Variants in TMEM192 observed in about 807,000 individuals in gnomAD.
TMEM192 encodes the protein transmembrane protein 192.
Under a neutral mutation model 26.7 loss-of-function variants are expected in TMEM192, and 20 were observed. The observed-to-expected ratio is 0.75, with a 90% CI of 0.53 to 1.09. The LOEUF is 1.09. Among genes scored for constraint, TMEM192 ranks in the 50% least tolerant of loss-of-function variants. The pLI, the probability that TMEM192 is intolerant of heterozygous loss-of-function variation, is 0.00. For missense variants in TMEM192, 304 were observed against 322.6 expected (o/e 0.94, Z 0.44); for synonymous variants, 124 against 121.0 (o/e 1.02, Z -0.16).
rs1028992994 is a variant in TMEM192, at chr4:165,085,515, C to T, written c.677+71G>A. 8.4e-6 allele frequency: 8 copies of T among 956,160 alleles called. No homozygotes were observed. The African/African-American group carries it at 1.2e-4, about 14-fold the overall frequency. The allele number at this position is 956,160 out of a possible 1,614,324, so 59.2% of individuals were successfully genotyped here. A position where few individuals can be genotyped will look rare whatever the true frequency, so the allele number is the denominator to read the frequency against. Reference sequence around the variant, plus strand: ...AAGTACAAATACACAATCATAAATTCCAAGCATCAGAATGGTTTCTAGCTT... The same window carrying T: ...AAGTACAAATACACAATCATAAATTTCAAGCATCAGAATGGTTTCTAGCTT... On this transcript the variant is annotated intron_variant, in intron 5 of 5. Coordinates refer to ENST00000306480, the MANE Select transcript of TMEM192 (RefSeq NM_001100389.2).
chr4:165,097,632 T>C (rs1458812444), intron 3 of TMEM192, among the ~76,000 whole-genome samples: 1 of 149,072 alleles, frequency 6.7e-6, no homozygotes, highest in Non-Finnish European at 1.5e-5. Flanking sequence ...TCTTTTTTTA[T>C]AGAGGGGGGT....
chr4:165,091,884 T>C (rs1217555136), intron 3 of TMEM192, among the ~76,000 whole-genome samples: 1 of 152,146 alleles, frequency 6.6e-6, no homozygotes, highest in Non-Finnish European at 1.5e-5. Context: ...AAAGTTTCCA[T>C]TAGACCAGTT....
chr4:165,091,340 T>C (rs1398573788), intron 3 of TMEM192, among the ~76,000 whole-genome samples: 2 of 152,154 alleles, frequency 1.3e-5, no homozygotes, highest in African/African-American at 2.4e-5. Context: ...TCTTGTGGGA[T>C]TGAGCCCTTT....
intron 3 of TMEM192, among the ~76,000 whole-genome samples, chr4:165,091,036 C>T (rs942156367): frequency 3.3e-5 from 5 of 150,900 alleles, no homozygotes; most frequent in South Asian, 4.2e-4. Context: ...GAGGATGAGG[C>T]GGGCGGATCA....
chr4:165,097,057 G>A (rs946766587), intron 3 of TMEM192, among the ~76,000 whole-genome samples: 1 of 152,016 alleles, frequency 6.6e-6, no homozygotes, highest in Non-Finnish European at 1.5e-5. Context: ...TCTCACAAGA[G>A]GCAGGGAGCA....
At chr4:165,080,155 T>C (rs940938154) in intron 5 of TMEM192, among the ~76,000 whole-genome samples, 3 of 152,162 alleles carry the variant, frequency 2.0e-5, no homozygotes, top group Non-Finnish European at 4.4e-5. Context: ...AATAATCAGA[T>C]GACGATTAAA....
rs773066745 is a variant in TMEM192, at chr4:165,070,829, T to C, written c.*8829A>G. The C allele has an allele frequency of 6.6e-6, 1 of 152,232 alleles. No individual in the cohort carries two copies. Among genetic ancestry groups the C allele is most frequent in the African/African-American group, 2.4e-5 (1 of 41,458 alleles). 9.4% of individuals were successfully genotyped at this position (152,232 alleles called of 1,614,324 possible). ...ATTCCAGTAGTGAAATCACTGAAGT[T>C]AGTGACATTAATTCATCAACGTATA... On this transcript the variant is annotated 3_prime_UTR_variant, in exon 6 of 6. Coordinates refer to ENST00000306480, the MANE Select transcript of TMEM192 (RefSeq NM_001100389.2).
chr4:165,112,794 A>G lies in TMEM192; in HGVS notation c.-21T>C, dbSNP rs1447853944. 5.0e-6 allele frequency: 8 copies of G among 1,604,142 alleles called. No homozygotes were observed. Among genetic ancestry groups the G allele is most frequent in the Non-Finnish European group, 6.8e-6 (8 of 1,178,452 alleles). ...GCCATTTCCCGACGCCGGAGGCCGA[A>G]GCCCTGGCCAGCCCGGCCTCTCCAC... On this transcript the variant is annotated 5_prime_UTR_variant, in exon 1 of 6. Coordinates refer to ENST00000306480, the MANE Select transcript of TMEM192 (RefSeq NM_001100389.2).
At position 165,088,619 on chromosome 4, in the gene TMEM192, TAAAAC is replaced by T; in HGVS notation, c.440-22_440-18del. The T allele has an allele frequency of 6.2e-7, 1 of 1,603,766 alleles. No individual in the cohort carries two copies. On this transcript the variant is annotated intron_variant, in intron 3 of 5. Coordinates refer to ENST00000306480, the MANE Select transcript of TMEM192 (RefSeq NM_001100389.2). ...CTGTGTTGCCTGAGGAGGAGAAACATAAAACACAGCATGTGATGAGAAATACATAT... is the reference window on the plus strand; with the variant it reads ...CTGTGTTGCCTGAGGAGGAGAAACATACAGCATGTGATGAGAAATACATAT...
chr4:165,079,386 A>C lies in TMEM192; in HGVS notation c.*272T>G, dbSNP rs1734466313. On this transcript the variant is annotated 3_prime_UTR_variant, in exon 6 of 6. Coordinates refer to ENST00000306480, the MANE Select transcript of TMEM192 (RefSeq NM_001100389.2). The stretch of plus-strand genomic sequence containing the variant: ...TGACTATGGAGTTGTTTAGCCTCTG[A>C]TCCTAGGATAAACCAAGCAGTTAAA... 3.0e-6 allele frequency: 1 copy of C among 337,548 alleles called. No individual in the cohort carries two copies. Among genetic ancestry groups the C allele is most frequent in the Non-Finnish European group, 5.3e-6 (1 of 186,974 alleles). 20.9% of individuals were successfully genotyped at this position (337,548 alleles called of 1,614,324 possible). A position where few individuals can be genotyped will look rare whatever the true frequency, so the allele number is the denominator to read the frequency against.
chr4:165,104,727 C>T (rs1427334114), intron 1 of TMEM192, among the ~76,000 whole-genome samples: 3 of 152,122 alleles, frequency 2.0e-5, no homozygotes, highest in African/African-American at 4.8e-5. Flanking sequence ...GATGGGGTTT[C>T]GCCATGTTAG....
chr4:165,097,219 G>C (rs1486245468), intron 3 of TMEM192, among the ~76,000 whole-genome samples: 10 of 152,088 alleles, frequency 6.6e-5, no homozygotes, highest in Non-Finnish European at 1.2e-4. Flanking sequence ...AACAGGCCGG[G>C]CGCGGTGGCT....
rs1217405942 is a variant in TMEM192 at position 165,075,692 on chromosome 4, C to G, written c.*3966G>C. On this transcript the variant is annotated 3_prime_UTR_variant, in exon 6 of 6. Coordinates refer to ENST00000306480, the MANE Select transcript of TMEM192 (RefSeq NM_001100389.2). ...TCAAGCAATTCTCCTGCCTTAGCCT[C>G]CAGAGTAGCTGGGATTACAGGCACC... The G allele has an allele frequency of 6.6e-6, 1 of 151,064 alleles. No individual in the cohort carries two copies. The highest frequency in any genetic ancestry group is 6.6e-5 in the Admixed American group (1 of 15,104). The allele number at this position is 151,064 out of a possible 1,614,324, so 9.4% of individuals were successfully genotyped here.
Position 165,072,037 on chromosome 4 carries a change from TC to T in TMEM192, c.*7620del, listed in dbSNP as rs1358237140. On this transcript the variant is annotated 3_prime_UTR_variant, in exon 6 of 6. Transcript: ENST00000306480. ...GAGGGAGGATCATGAGGTCAGGAGT[TC>T]CAGACCAGCCTAGTCAGCATGGTGA... 3 of 151,396 alleles carry T rather than the reference TC, an allele frequency of 2.0e-5. No homozygotes were observed. Among genetic ancestry groups the T allele is most frequent in the Non-Finnish European group, 4.4e-5 (3 of 67,952 alleles). 9.4% of individuals were successfully genotyped at this position (151,396 alleles called of 1,614,324 possible).
chr4:165,094,502 A>G (rs1734845798), intron 3 of TMEM192, among the ~76,000 whole-genome samples: 1 of 152,128 alleles, frequency 6.6e-6, no homozygotes, highest in African/African-American at 2.4e-5. Flanking sequence ...TACTAAAAAA[A>G]CAAAATTAGA....
At chr4:165,092,883 C>T (rs536302760) in intron 3 of TMEM192, among the ~76,000 whole-genome samples, 5 of 150,864 alleles carry the variant, frequency 3.3e-5, no homozygotes, top group Middle Eastern at 3.4e-3. Context: ...GGCAACAGAG[C>T]GAGACCTTGT....
chr4:165,090,220 A>G (rs1486250777), intron 3 of TMEM192, among the ~76,000 whole-genome samples: 15 of 145,180 alleles, frequency 1.0e-4, no homozygotes, highest in East Asian at 2.0e-4. Flanking sequence ...TTGGAAAAAA[A>G]AAAAAAAAAA....
rs768342578 is a variant in TMEM192, at chr4:165,100,690, T to G, written c.377A>C (p.Tyr126Ser). 1 of 1,614,182 alleles carries G rather than the reference T, an allele frequency of 6.2e-7. No homozygotes were observed. The highest frequency in any genetic ancestry group is 8.5e-7 in the Non-Finnish European group (1 of 1,180,032). Reference protein sequence around the residue: ...YHHSKIRNRGYNLIYRSTRHL... With the variant: ...YHHSKIRNRGSNLIYRSTRHL... ...CCTTGTTGATCGGTAGATCAAGTTA[T>G]AGCCTCGGTTTCTGATTTTGCTGTG... is the stretch of plus-strand genomic sequence containing the variant. The change falls in exon 3 of 6, where the codon TAT (tyrosine) becomes TCT (serine). Residue 126 changes from tyrosine (Y) to serine (S), a missense_variant. Physicochemically the swap from Tyr to Ser is moderately radical, Grantham distance 144. Coordinates refer to ENST00000306480, the MANE Select transcript of TMEM192 (RefSeq NM_001100389.2).
chr4:165,110,535 G>A (rs72699524), intron 1 of TMEM192, among the ~76,000 whole-genome samples: 27,394 of 152,148 alleles, frequency 0.18, 3,163 homozygotes, highest in South Asian at 0.28. Context: ...GAGAAATCCC[G>A]TCTCTACTAA....
Sources: allele counts gnomAD v4.1 joint callset (sites outside exome capture counted in the v4.1 genomes callset), GRCh38; gene constraint gnomAD v4.1.1; transcripts MANE v1.5; gene names NCBI Gene and HGNC (gene_info 2026-07-23, HGNC 2026-07-21).